The following BCAS3 variants were observed in gnomAD, a reference collection of about 807,000 sequenced individuals.
BCAS3 encodes BCAS4/BCAS3 fusion.
BCAS3 carries 53 observed loss-of-function variants against 116.1 expected under a neutral mutation model. That is an observed-to-expected ratio of 0.46 (90% CI 0.37 to 0.57). The LOEUF (loss-of-function observed/expected upper bound fraction) is 0.57. Ranked by LOEUF, BCAS3 falls within the 20% of genes least tolerant of loss-of-function variation. The pLI is 0.00. For synonymous variants in BCAS3, 391 were observed against 408.2 expected (o/e 0.96, Z 0.51); for missense variants, 917 against 1,165.4 (o/e 0.79, Z 3.10).
intron 4 of BCAS3, among the ~76,000 whole-genome samples, chr17:60,695,363 C>T (rs892973574): frequency 3.3e-5 from 5 of 152,278 alleles, no homozygotes; most frequent in East Asian, 1.9e-4. Context: ...CTGCCCACCT[C>T]GGCCTCCCAA....
chr17:60,911,545 G>A (rs571476239), intron 12 of BCAS3, among the ~76,000 whole-genome samples: 3 of 152,262 alleles, frequency 2.0e-5, no homozygotes, highest in Non-Finnish European at 2.9e-5. Context: ...TGATCTGTCC[G>A]CCTTGGCCTC....
chr17:61,290,171 T>C (rs2052247084), intron 22 of BCAS3, among the ~76,000 whole-genome samples: 1 of 152,186 alleles, frequency 6.6e-6, no homozygotes, highest in Admixed American at 6.5e-5. Flanking sequence ...CTTATCTCCT[T>C]CATCTGACTT....
chr17:61,369,099 C>T (rs369588533), intron 23 of BCAS3, among the ~76,000 whole-genome samples: 124 of 152,304 alleles, frequency 8.1e-4, no homozygotes, highest in Middle Eastern at 3.4e-3. Flanking sequence ...CACACGCAAA[C>T]ACACACACAC....
intron 13 of BCAS3, among the ~76,000 whole-genome samples, chr17:60,934,991 C>G (rs1183715719): frequency 6.6e-6 from 1 of 152,150 alleles, no homozygotes; most frequent in Admixed American, 6.5e-5. Flanking sequence ...AACCCCATCT[C>G]TACTAACAAT....
At chr17:60,969,030 G>A (rs1231433058) in intron 14 of BCAS3, among the ~76,000 whole-genome samples, 1 of 145,948 alleles carries the variant, frequency 6.9e-6, no homozygotes, top group Admixed American at 6.8e-5. Context: ...TTGATGCCAG[G>A]CAGAATCGGG....
intron 6 of BCAS3, among the ~76,000 whole-genome samples, chr17:60,767,389 G>A (rs925865347): frequency 7.2e-6 from 1 of 138,052 alleles, no homozygotes; most frequent in East Asian, 2.1e-4. Context: ...CTGTCACCCA[G>A]GCTGGAGTGC....
intron 23 of BCAS3, among the ~76,000 whole-genome samples, chr17:61,375,410 AG>A (rs934179904): frequency 1.3e-5 from 2 of 152,048 alleles, no homozygotes; most frequent in African/African-American, 4.8e-5. Flanking sequence ...GCTCTTCCAA[AG>A]GGCCTTGGAA....
chr17:61,019,857 A>C lies in BCAS3; in HGVS notation c.1637+3956A>C, dbSNP rs1446593367. On this transcript the variant is annotated intron_variant, in intron 16 of 23. Coordinates refer to ENST00000407086, the MANE Select transcript of BCAS3 (RefSeq NM_017679.5). This position sits in a 1 kb window ranked among gnomAD's most constrained non-coding sequence, Gnocchi z 5.6. The stretch of plus-strand genomic sequence containing the variant: ...TTTTCCATGTCTCTTTTTATTCTGG[A>C]AATTCTCATTTACTCAAGCTTTGCT... 6.6e-6 allele frequency among the ~76,000 whole-genome samples: 1 copy of C among 152,320 alleles called. No individual in the cohort carries two copies. Among genetic ancestry groups the C allele is most frequent in the Admixed American group, 6.5e-5 (1 of 15,302 alleles).
intron 12 of BCAS3, among the ~76,000 whole-genome samples, chr17:60,919,851 T>C (rs1270278497): frequency 2.6e-5 from 4 of 152,064 alleles, no homozygotes; most frequent in South Asian, 2.1e-4. Context: ...TTGTAATCCC[T>C]CCAACTACCG....
intron 6 of BCAS3, among the ~76,000 whole-genome samples, chr17:60,748,569 C>T (rs558970587): frequency 6.6e-6 from 1 of 152,278 alleles, no homozygotes; most frequent in Non-Finnish European, 1.5e-5. Context: ...TGGCTGGAAT[C>T]AAGGAGGACT....
intron 22 of BCAS3, among the ~76,000 whole-genome samples, chr17:61,090,763 T>A (rs1211145468): frequency 2.6e-5 from 4 of 152,174 alleles, no homozygotes; most frequent in Non-Finnish European, 5.9e-5. Context: ...GTTCAAGCGA[T>A]TCTCCTGCCT....
intron 13 of BCAS3, among the ~76,000 whole-genome samples, chr17:60,938,554 A>C (rs1420522650): frequency 6.6e-6 from 1 of 151,612 alleles, no homozygotes; most frequent in Non-Finnish European, 1.5e-5. Context: ...TGAAACTTTA[A>C]AAAGAAAACG....
chr17:61,200,656 T>C lies in BCAS3; in HGVS notation c.2425+116092T>C, dbSNP rs1424148137. ...TGGTAGTGAGGTATCCTCAGCTGTT[T>C]GGCTGGCTCTCTTATTATATTAGTA... On this transcript the variant is annotated intron_variant, in intron 22 of 23. Coordinates refer to ENST00000407086, the MANE Select transcript of BCAS3 (RefSeq NM_017679.5). This position sits in a 1 kb window ranked among gnomAD's most constrained non-coding sequence, Gnocchi z 5.1. Among the ~76,000 whole-genome samples, 1 of 152,218 alleles carries C rather than the reference T, an allele frequency of 6.6e-6. No homozygotes were observed. Among genetic ancestry groups the C allele is most frequent in the Non-Finnish European group, 1.5e-5 (1 of 68,046 alleles).
At chr17:61,142,170 G>A (rs922183890) in intron 22 of BCAS3, among the ~76,000 whole-genome samples, 2 of 151,810 alleles carry the variant, frequency 1.3e-5, no homozygotes, top group Admixed American at 1.3e-4. Flanking sequence ...TAATCTTGTT[G>A]ACAATCTGCT....
chr17:61,349,210 G>T lies in BCAS3; in HGVS notation c.2426-19117G>T, dbSNP rs2057687689. On this transcript the variant is annotated intron_variant, in intron 22 of 23. Coordinates refer to ENST00000407086, the MANE Select transcript of BCAS3 (RefSeq NM_017679.5). This position sits in a 1 kb window ranked among gnomAD's most constrained non-coding sequence, Gnocchi z 4.7. ...CATTTGCTCAGTAAGCATTCCAAGTGCTTCTTCTCATGAGGGAAGTCTGGG... is the reference window on the plus strand; with the variant it reads ...CATTTGCTCAGTAAGCATTCCAAGTTCTTCTTCTCATGAGGGAAGTCTGGG... 6.6e-6 allele frequency among the ~76,000 whole-genome samples: 1 copy of T among 152,172 alleles called. No homozygotes were observed. Among genetic ancestry groups the T allele is most frequent in the Non-Finnish European group, 1.5e-5 (1 of 68,034 alleles).
chr17:61,178,943 C>T (rs74633571), intron 22 of BCAS3, among the ~76,000 whole-genome samples: 1,723 of 152,130 alleles, frequency 0.011, 19 homozygotes, highest in Middle Eastern at 0.017. Flanking sequence ...TTATTACAGT[C>T]TAAAAAATGA....
chr17:61,273,561 A>G (rs1165554799), intron 22 of BCAS3, among the ~76,000 whole-genome samples: 5 of 151,820 alleles, frequency 3.3e-5, no homozygotes, highest in Non-Finnish European at 5.9e-5. Flanking sequence ...TGTATATCCT[A>G]TTTTATAGTT....
rs2073880162 is a variant in BCAS3, at chr17:61,095,101, T to C, written c.2425+10537T>C. Among the ~76,000 whole-genome samples the C allele has an allele frequency of 6.6e-6, 1 of 152,178 alleles. No homozygotes were observed. The highest frequency in any genetic ancestry group is 6.5e-5 in the Admixed American group (1 of 15,278). On this transcript the variant is annotated intron_variant, in intron 22 of 23. Coordinates refer to ENST00000407086, the MANE Select transcript of BCAS3 (RefSeq NM_017679.5). The surrounding 1 kb of genome is among the most constrained non-coding windows in gnomAD (Gnocchi z 4.7). ...ATTGCAACTAATTTGTTAAGGATCA[T>C]ATCAAGGAAGAATATCCCCAGAACC...
chr17:60,810,465 C>A (rs550706596), intron 7 of BCAS3: 2 of 655,044 alleles, frequency 3.1e-6, no homozygotes, highest in Non-Finnish European at 2.9e-6. Flanking sequence ...GAGCAAGGAG[C>A]GTGGAGACCG....
Sources: gnomAD v4.1 joint callset for allele counts (sites outside exome capture counted in the v4.1 genomes callset) on GRCh38, gnomAD v4.1.1 for gene constraint, Gnocchi (gnomAD v3.1) non-coding constraint, MANE v1.5 for transcripts, NCBI Gene and HGNC (gene_info 2026-07-23, HGNC 2026-07-21) for gene names.